Variants in VDAC1 observed in about 807,000 individuals in gnomAD.
VDAC1 encodes voltage dependent anion channel 1, also known as non-selective voltage-gated ion channel VDAC1.
In VDAC1, 10 loss-of-function variants were observed where a neutral mutation model predicts 34.7. The ratio of observed to expected loss-of-function variants is 0.29; its 90% CI spans 0.18 to 0.49. The LOEUF (loss-of-function observed/expected upper bound fraction) is 0.49, where lower values mean the gene tolerates loss of function less well. Ranked by LOEUF, VDAC1 falls within the 20% of genes least tolerant of loss-of-function variation. The pLI is 0.99. For missense variants in VDAC1, 230 were observed against 347.9 expected (o/e 0.66, Z 2.69); for synonymous variants, 130 against 136.0 (o/e 0.96, Z 0.30).
chr5:134,089,218 C>T, the VDAC1 span, among the ~76,000 whole-genome samples: 1 of 152,242 alleles, frequency 6.6e-6, no homozygotes, highest in Non-Finnish European at 1.5e-5. Context: ...TGCATAGGGG[C>T]ACACCCCAGG....
the VDAC1 span, among the ~76,000 whole-genome samples, chr5:134,010,434 C>T: frequency 1.3e-5 from 2 of 152,030 alleles, no homozygotes; most frequent in Non-Finnish European, 2.9e-5. Flanking sequence ...CCTGCCTCTA[C>T]TAAAAATACA....
intron 8 of VDAC1, among the ~76,000 whole-genome samples, chr5:133,973,466 G>A (rs1752374123): frequency 6.6e-6 from 1 of 152,110 alleles, no homozygotes; most frequent in Non-Finnish European, 1.5e-5. Flanking sequence ...TTTACAGTGG[G>A]GCTGATTTAT....
chr5:134,099,502 C>T, the VDAC1 span, among the ~76,000 whole-genome samples: 1 of 152,202 alleles, frequency 6.6e-6, no homozygotes, highest in Non-Finnish European at 1.5e-5. Flanking sequence ...GTCAGAGCAT[C>T]ACGTCTGGGG....
chr5:134,046,150 C>G, the VDAC1 span, among the ~76,000 whole-genome samples: 1 of 151,860 alleles, frequency 6.6e-6, no homozygotes, highest in East Asian at 1.9e-4. Context: ...CTCAGTCTCC[C>G]AAGCAGCTGG....
the VDAC1 span, among the ~76,000 whole-genome samples, chr5:134,068,318 C>T: frequency 2.0e-5 from 3 of 150,028 alleles, no homozygotes; most frequent in Non-Finnish European, 3.0e-5. Context: ...TTGTGTCTTC[C>T]GTTCCACTCC....
chr5:134,077,721 C>G, the VDAC1 span, among the ~76,000 whole-genome samples: 1 of 152,216 alleles, frequency 6.6e-6, no homozygotes, highest in Non-Finnish European at 1.5e-5. Context: ...CTAGGCCTCC[C>G]TTTTGCCCCC....
rs1356062250 is a variant in VDAC1 at position 133,972,246 on chromosome 5, T to C, written c.*525A>G. ...CACATCCACCTTCTCCACCCCAAAATGGCACAAAAGAAACAGTTACCACAC... is the reference window on the plus strand; with the variant it reads ...CACATCCACCTTCTCCACCCCAAAACGGCACAAAAGAAACAGTTACCACAC... On this transcript the variant is annotated 3_prime_UTR_variant, in exon 9 of 9. Transcript: ENST00000265333. The C allele has an allele frequency of 5.3e-6, 1 of 188,702 alleles. No homozygotes were observed. Among genetic ancestry groups the C allele is most frequent in the East Asian group, 1.2e-4 (1 of 8,084 alleles). 11.7% of individuals were successfully genotyped at this position (188,702 alleles called of 1,614,324 possible).
At chr5:134,109,719 G>A in the VDAC1 span, among the ~76,000 whole-genome samples, 3 of 150,700 alleles carry the variant, frequency 2.0e-5, no homozygotes, top group African/African-American at 7.4e-5. Flanking sequence ...GCAGTGAGCC[G>A]AGATCGTGCC....
the VDAC1 span, among the ~76,000 whole-genome samples, chr5:134,113,317 AG>A: frequency 6.6e-6 from 1 of 151,856 alleles, no homozygotes; most frequent in Non-Finnish European, 1.5e-5. Context: ...GTGGCGGGGG[AG>A]GGGGGTGTGG....
chr5:134,070,753 GT>G, the VDAC1 span, among the ~76,000 whole-genome samples: 1 of 152,070 alleles, frequency 6.6e-6, no homozygotes, highest in African/African-American at 2.4e-5. Context: ...TAAACTATTA[GT>G]TTATTAGTGA....
chr5:134,012,627 G>T, the VDAC1 span, among the ~76,000 whole-genome samples: 1 of 152,140 alleles, frequency 6.6e-6, no homozygotes, highest in Non-Finnish European at 1.5e-5. Context: ...CATGCTCATG[G>T]ATTGGAAGAA....
the VDAC1 span, among the ~76,000 whole-genome samples, chr5:134,099,982 C>T: frequency 6.6e-6 from 1 of 152,262 alleles, no homozygotes; most frequent in Non-Finnish European, 1.5e-5. Context: ...CTCGCTGGTA[C>T]AGCCTGGCCC....
At chr5:134,046,240 G>A in the VDAC1 span, among the ~76,000 whole-genome samples, 1 of 151,766 alleles carries the variant, frequency 6.6e-6, no homozygotes, top group African/African-American at 2.4e-5. Flanking sequence ...GTGTTAGCCA[G>A]GATTGTCTCG....
At chr5:134,073,353 T>C in the VDAC1 span, among the ~76,000 whole-genome samples, 1 of 152,166 alleles carries the variant, frequency 6.6e-6, no homozygotes, top group African/African-American at 2.4e-5. Flanking sequence ...GAAATGCAAA[T>C]TCTCAGGCCT....
In VDAC1 at chr5:133,980,689, A is replaced by ACG; in HGVS notation, c.551+39_551+40insCG. On this transcript the variant is annotated intron_variant, in intron 6 of 8. Transcript: ENST00000265333. ...CAATCCCCTTACCACACATGCTCCA[A>ACG]CCCCACCCCTCCCACCCTGCTGCCC... 8.7e-5 allele frequency: 49 copies of ACG among 564,034 alleles called. 1 individual carries two copies. The highest frequency in any genetic ancestry group is 1.2e-4 in the Non-Finnish European group (36 of 298,426). The allele number at this position is 564,034 out of a possible 1,614,324, so 34.9% of individuals were successfully genotyped here.
At chr5:134,002,443 G>C (rs574861939) in intron 1 of VDAC1, among the ~76,000 whole-genome samples, 1 of 152,286 alleles carries the variant, frequency 6.6e-6, no homozygotes. Flanking sequence ...AGGGGTAACA[G>C]GCCCAACACC....
the VDAC1 span, among the ~76,000 whole-genome samples, chr5:134,069,011 T>TGTGTGTGTGTGTGTGTGTG: frequency 9.3e-6 from 1 of 107,968 alleles, no homozygotes; most frequent in African/African-American, 3.4e-5. Flanking sequence ...TGTGTGTGTG[T>TGTGTGTGTGTGTGTGTGTG]TCACGTGCGC....
chr5:134,033,832 A>T, the VDAC1 span, among the ~76,000 whole-genome samples: 39 of 151,608 alleles, frequency 2.6e-4, no homozygotes, highest in Non-Finnish European at 4.7e-4. Flanking sequence ...CTCTACTAAA[A>T]ATACAAAAAA....
At chr5:134,102,219 T>C in the VDAC1 span, among the ~76,000 whole-genome samples, 1 of 152,038 alleles carries the variant, frequency 6.6e-6, no homozygotes. Context: ...GGGCCTCGCC[T>C]GGGCTGAGAG....
Sources: gnomAD v4.1 joint callset for allele counts (sites outside exome capture counted in the v4.1 genomes callset) on GRCh38, gnomAD v4.1.1 for gene constraint, MANE v1.5 for transcripts, NCBI Gene and HGNC (gene_info 2026-07-23, HGNC 2026-07-21) for gene names.